The following MYO7A variants were observed in gnomAD, a reference collection of about 807,000 sequenced individuals.
MYO7A encodes unconventional myosin-VIIa.
In MYO7A, 210 loss-of-function variants were observed where a neutral mutation model predicts 263.8. That is an observed-to-expected ratio of 0.80 (90% CI 0.71 to 0.89). MYO7A has a LOEUF of 0.89. MYO7A is among the 40% of genes least tolerant of loss of function. MYO7A has a pLI of 0.00. For missense variants in MYO7A, 2,820 were observed against 2,968.3 expected (o/e 0.95, Z 1.16); for synonymous variants, 1,239 against 1,197.3 (o/e 1.03, Z -0.72).
intron 42 of MYO7A, among the ~76,000 whole-genome samples, chr11:77,208,010 T>G (rs1957573554): frequency 6.6e-6 from 1 of 152,186 alleles, no homozygotes; most frequent in Non-Finnish European, 1.5e-5. Context: ...TCTGTGTGCC[T>G]CTGTGTCTGT....
In MYO7A at chr11:77,138,341, C is replaced by T. The variant is rs1334594007; in HGVS notation, c.19-4368C>T. Reference sequence around the variant, plus strand: ...GACCCCGCCGACCCTGCCGACCCCGCGCGCATCCCGCAGCCCGGCAAGTGG... The same window carrying T: ...GACCCCGCCGACCCTGCCGACCCCGTGCGCATCCCGCAGCCCGGCAAGTGG... On this transcript the variant is annotated intron_variant, in intron 2 of 48. Coordinates refer to ENST00000409709, the MANE Select transcript of MYO7A (RefSeq NM_000260.4). The surrounding 1 kb of genome is among the most constrained non-coding windows in gnomAD (Gnocchi z 4.9). Among the ~76,000 whole-genome samples the T allele has an allele frequency of 1.3e-5, 2 of 151,858 alleles. No individual in the cohort carries two copies. Among genetic ancestry groups the T allele is most frequent in the Non-Finnish European group, 2.9e-5 (2 of 67,800 alleles).
chr11:77,192,965 A>T (rs1480927173), intron 31 of MYO7A, among the ~76,000 whole-genome samples: 91 of 11,054 alleles, frequency 8.2e-3, no homozygotes, highest in African/African-American at 0.042. Flanking sequence ...GGTGTTGGTG[A>T]TGGTGGAGGT....
intron 23 of MYO7A, 105 bp from the exon 24 acceptor site, chr11:77,181,846 G>A (rs1418376454): frequency 1.6e-5 from 15 of 952,740 alleles, no homozygotes; most frequent in African/African-American, 8.3e-5. Flanking sequence ...GTGCAGTAGC[G>A]TGATCACAGC....
chr11:77,183,152 G>T lies in MYO7A; in HGVS notation c.3370G>T (p.Glu1124Ter), dbSNP rs1955396772. The change falls in exon 26 of 49, where the codon GAG (glutamate) becomes TAG (stop). Residue 1124 changes from glutamate to a stop codon, truncating the protein, a stop_gained. Transcript: ENST00000409709. LOFTEE classifies it high-confidence loss of function. ...TCTGAAAAAGAAGTCCAAGCTCACA[G>T]AGGAGGTGAGGGCAGACGCTGGGGG... is the stretch of plus-strand genomic sequence containing the variant. Reference protein sequence around the residue: ...LTLKKKSKLTEEVTKRLHDGE... With the variant: ...LTLKKKSKLT 1.3e-6 allele frequency: 2 copies of T among 1,551,652 alleles called. No homozygotes were observed. The highest frequency in any genetic ancestry group is 2.0e-5 in the Admixed American group (1 of 51,056).
At position 77,213,015 on chromosome 11, in the gene MYO7A, C is replaced by A; in HGVS notation, c.6418C>A (p.Leu2140Ile). ...TGCCATCAACAAGTATGGGGTCAGC[C>A]TCATCGATCCCAAAACGAAGGTGAG... Reference protein sequence around the residue: ...LIAINKYGVSLIDPKTKDILT... With the variant: ...LIAINKYGVSIIDPKTKDILT... The change falls in exon 47 of 49, where the codon CTC becomes ATC. Residue 2140 changes from leucine to isoleucine, a missense_variant. Physicochemically the swap from Leu to Ile is conservative, Grantham distance 5 (BLOSUM62 2). Coordinates refer to ENST00000409709, the MANE Select transcript of MYO7A (RefSeq NM_000260.4). 1 of 1,584,102 alleles carries A rather than the reference C, an allele frequency of 6.3e-7. No individual in the cohort carries two copies. The highest frequency in any genetic ancestry group is 8.6e-7 in the Non-Finnish European group (1 of 1,164,304).
At chr11:77,155,810 C>G in intron 4 of MYO7A, 97 bp from the exon 5 acceptor site, 5 of 1,324,488 alleles carry the variant, frequency 3.8e-6, no homozygotes, top group Non-Finnish European at 5.0e-6. Context: ...AGGACTCTTC[C>G]CTCCAGGGTG....
intron 2 of MYO7A, among the ~76,000 whole-genome samples, chr11:77,140,297 G>T (rs78162570): frequency 6.6e-6 from 1 of 152,148 alleles, no homozygotes; most frequent in Non-Finnish European, 1.5e-5. Context: ...CCATCTGGGC[G>T]GGGGAGGACT....
chr11:77,182,032 C>T lies in MYO7A; in HGVS notation c.2986C>T (p.Leu996Phe), dbSNP rs1555084932. 1 of 1,613,484 alleles carries T rather than the reference C, an allele frequency of 6.2e-7. No homozygotes were observed. Residue 996 changes from leucine to phenylalanine, a missense_variant, in exon 24 of 49, where the codon CTC (leucine) becomes TTC (phenylalanine). Transcript: ENST00000409709. ...CCTGCCTGACGAGGATGAGGAGGACCTCTCTGAGTATAAATTTGCCAAGTT... is the reference window on the plus strand; with the variant it reads ...CCTGCCTGACGAGGATGAGGAGGACTTCTCTGAGTATAAATTTGCCAAGTT... ...LPLPDEDEED[L>F]SEYKFAKFAA...
At chr11:77,173,112 TC>T (rs1954284279) in intron 16 of MYO7A, among the ~76,000 whole-genome samples, 1 of 152,240 alleles carries the variant, frequency 6.6e-6, no homozygotes, top group South Asian at 2.1e-4. Context: ...AGATCCTGCC[TC>T]TACCATGTAC....
intron 10 of MYO7A, 23 bp downstream of exon 10, chr11:77,159,546 C>T (rs1555066962): frequency 6.2e-7 from 1 of 1,608,518 alleles, no homozygotes; most frequent in East Asian, 2.2e-5. Flanking sequence ...CCTCTCTCCC[C>T]TCCATGACTT....
rs782747460 is a variant in MYO7A at position 77,180,415 on chromosome 11, G to C, written c.2628G>C (p.Glu876Asp). ...RLEAEKMRLA[E>D]EEKLRKEMSA... ...AGGCTGAGAAAATGCGGCTGGCGGA[G>C]GAAGAGAAGCTTCGGAAGGAGATGA... Residue 876 changes from glutamate to aspartate, a missense_variant, in exon 22 of 49, where the codon GAG becomes GAC. By Grantham distance (45) the Glu-to-Asp change is conservative. Coordinates refer to ENST00000409709, the MANE Select transcript of MYO7A (RefSeq NM_000260.4). The C allele has an allele frequency of 1.2e-6, 2 of 1,612,096 alleles. No homozygotes were observed. The highest frequency in any genetic ancestry group is 1.7e-6 in the Non-Finnish European group (2 of 1,179,690).
intron 35 of MYO7A, among the ~76,000 whole-genome samples, chr11:77,200,915 C>T (rs892210610): frequency 6.6e-6 from 1 of 152,126 alleles, no homozygotes; most frequent in Non-Finnish European, 1.5e-5. Context: ...ATGAAATGGA[C>T]CCCACCCTGT....
intron 44 of MYO7A, among the ~76,000 whole-genome samples, chr11:77,210,486 A>ATGGG (rs1161209141): frequency 3.9e-5 from 6 of 152,168 alleles, no homozygotes; most frequent in African/African-American, 7.2e-5. Flanking sequence ...AACCACATGG[A>ATGGG]TGGGTGGGTA....
chr11:77,198,354 A>T, intron 33 of MYO7A, 141 bp from the exon 34 acceptor site: 1 of 1,164,626 alleles, frequency 8.6e-7, no homozygotes, highest in Non-Finnish European at 1.2e-6. Flanking sequence ...GCACGTAGCG[A>T]GTTTGTGCTC....
At position 77,203,215 on chromosome 11, in the gene MYO7A, T is replaced by C. The variant is rs115123584; in HGVS notation, c.5324T>C (p.Ile1775Thr). 860 of 1,552,962 alleles carry C rather than the reference T, an allele frequency of 5.5e-4. 8 individuals carry two copies. The African/African-American group carries it at 9.5e-3, about 17-fold the overall frequency. The stretch of plus-strand genomic sequence containing the variant: ...TCGCAGGAGGCCTGCCTGGCCTTCA[T>C]TGATATCCGTGCCACTGGGCTGTGC... The part of the protein sequence containing the change: ...ELSQEACLAF[I>T]AVLKYMGDYP... The change falls in exon 38 of 49, where the codon ATT becomes ACT. Residue 1775 changes from isoleucine to threonine, a missense_variant and splice_region_variant. By Grantham distance (89) the Ile-to-Thr change is moderately conservative (BLOSUM62 -1). Coordinates refer to ENST00000409709, the MANE Select transcript of MYO7A (RefSeq NM_000260.4).
rs528490380 is a variant in MYO7A at position 77,172,630 on chromosome 11, G to A, written c.1798-118G>A. The A allele has an allele frequency of 2.4e-4, 316 of 1,334,472 alleles. 4 individuals carry two copies. The highest frequency in any genetic ancestry group is 2.9e-4 in the African/African-American group (20 of 68,990). The allele number at this position is 1,334,472 out of a possible 1,614,324, so 82.7% of individuals were successfully genotyped here. A position where few individuals can be genotyped will look rare whatever the true frequency, so the allele number is the denominator to read the frequency against. On this transcript the variant is annotated intron_variant, in intron 15 of 48. Transcript: ENST00000409709. ...AGTTTGCAGGAAAACTTCAAATACC[G>A]CCCTGTCCCTCAAACCCTGACCCCG...
At chr11:77,211,017 T>G in intron 44 of MYO7A, 135 bp from the exon 45 acceptor site, 1 of 775,784 alleles carries the variant, frequency 1.3e-6, no homozygotes, top group Non-Finnish European at 2.0e-6. Context: ...CAGTGTCAGC[T>G]GAGGCTGGAG....
At chr11:77,194,030 A>G (rs1166884517) in intron 31 of MYO7A, 1 of 544,766 alleles carries the variant, frequency 1.8e-6, no homozygotes, top group African/African-American at 1.9e-5. Flanking sequence ...GCTGTCTCAC[A>G]GGGCTGAGTG....
chr11:77,191,984 C>T, intron 30 of MYO7A, 67 bp from the exon 31 acceptor site: 1 of 1,404,284 alleles, frequency 7.1e-7, no homozygotes. Flanking sequence ...TGACCGTTGG[C>T]CCCGTTGAGG....
Sources: allele counts gnomAD v4.1 joint callset (sites outside exome capture counted in the v4.1 genomes callset), GRCh38; gene constraint gnomAD v4.1.1; non-coding constraint Gnocchi (gnomAD v3.1); transcripts MANE v1.5; gene names NCBI Gene and HGNC (gene_info 2026-07-23, HGNC 2026-07-21).